PPP1R16B: variants seen among roughly 807,000 people sequenced by gnomAD.
PPP1R16B encodes the protein protein phosphatase 1 regulatory subunit 16B.
A neutral mutation model predicts 61.7 loss-of-function variants in PPP1R16B; 14 were observed. The observed-to-expected ratio is 0.23, with a 90% CI of 0.15 to 0.35. The LOEUF (loss-of-function observed/expected upper bound fraction) is 0.35. Ranked by LOEUF, PPP1R16B falls within the 10% of genes least tolerant of loss-of-function variation. PPP1R16B has a pLI of 1.00. For synonymous variants in PPP1R16B, 266 were observed against 305.3 expected (o/e 0.87, Z 1.34); for missense variants, 547 against 752.5 (o/e 0.73, Z 3.19).
chr20:38,841,592 C>T (rs948030341), intron 2 of PPP1R16B, among the ~76,000 whole-genome samples: 1 of 152,176 alleles, frequency 6.6e-6, no homozygotes, highest in African/African-American at 2.4e-5. Context: ...GCAGTGACTC[C>T]TGGTTCCCAG....
intron 1 of PPP1R16B, among the ~76,000 whole-genome samples, chr20:38,834,633 C>T (rs959578790): frequency 6.6e-6 from 1 of 151,900 alleles, no homozygotes; most frequent in Non-Finnish European, 1.5e-5. Flanking sequence ...TTCTTTAGTT[C>T]CTTAAATTGA....
At chr20:38,872,679 G>A (rs978304511) in intron 2 of PPP1R16B, 11 of 152,420 alleles carry the variant, frequency 7.2e-5, no homozygotes, top group East Asian at 1.9e-4. Context: ...GCTAGACCAC[G>A]AACCCTGTGA....
In PPP1R16B at chr20:38,902,621, G is replaced by T. The variant is rs375897880; in HGVS notation, c.572-47G>T. On this transcript the variant is annotated intron_variant, in intron 5 of 10. Coordinates refer to ENST00000299824, the MANE Select transcript of PPP1R16B (RefSeq NM_015568.4). ...CATCTGCCTTCCCCTGCCCTCTGGG[G>T]TCGTAGGCCTGAGGGTGCTAAATAA... 2.9e-5 allele frequency: 47 copies of T among 1,612,190 alleles called. No individual in the cohort carries two copies. In the African/African-American group the frequency reaches 5.6e-4, roughly 19 times the overall value.
intron 3 of PPP1R16B, among the ~76,000 whole-genome samples, chr20:38,895,086 G>A (rs371685852): frequency 6.6e-6 from 1 of 152,122 alleles, no homozygotes; most frequent in Non-Finnish European, 1.5e-5. Context: ...TCTTGAAACC[G>A]CTTTGGAGGC....
intron 2 of PPP1R16B, among the ~76,000 whole-genome samples, chr20:38,842,201 C>G (rs2084912877): frequency 6.6e-6 from 1 of 152,188 alleles, no homozygotes; most frequent in South Asian, 2.1e-4. Flanking sequence ...CCTGTACTTC[C>G]TGCTTTTGTT....
At chr20:38,874,027 C>A (rs1294914271) in intron 2 of PPP1R16B, among the ~76,000 whole-genome samples, 1 of 152,170 alleles carries the variant, frequency 6.6e-6, no homozygotes, top group Non-Finnish European at 1.5e-5. Flanking sequence ...CCGTGCCTGG[C>A]CAGCTGAAAC....
chr20:38,858,861 C>T (rs1323300032), intron 2 of PPP1R16B, among the ~76,000 whole-genome samples: 8 of 152,142 alleles, frequency 5.3e-5, no homozygotes. Flanking sequence ...CAGATGGAGC[C>T]CAGAGGGGAA....
chr20:38,859,205 C>G (rs558764124), intron 2 of PPP1R16B, among the ~76,000 whole-genome samples: 1 of 152,186 alleles, frequency 6.6e-6, no homozygotes, highest in African/African-American at 2.4e-5. Flanking sequence ...TGAAGTTTAT[C>G]TCTTGCTCAT....
chr20:38,914,693 C>T (rs2085518818), intron 10 of PPP1R16B, among the ~76,000 whole-genome samples: 1 of 152,154 alleles, frequency 6.6e-6, no homozygotes, highest in Non-Finnish European at 1.5e-5. Flanking sequence ...GACAGGGTCT[C>T]ATTCTGACAG....
intron 10 of PPP1R16B, among the ~76,000 whole-genome samples, chr20:38,916,296 A>ATATATATGT (rs1026446125): frequency 1.3e-4 from 19 of 147,742 alleles, no homozygotes; most frequent in African/African-American, 7.4e-5. Context: ...TATATATAAC[A>ATATATATGT]TATATATGTT....
Position 38,855,943 on chromosome 20 carries a change from T to TAGAGAGAG in PPP1R16B, c.250+19800_250+19807dup, listed in dbSNP as rs1293814608. ...ATATATATATATATATATATATATA[T>TAGAGAGAG]AGAGAGAGAGAGAGAGAGAGAGAGA... On this transcript the variant is annotated intron_variant, in intron 2 of 10. Coordinates refer to ENST00000299824, the MANE Select transcript of PPP1R16B (RefSeq NM_015568.4). Among the ~76,000 whole-genome samples the TAGAGAGAG allele has an allele frequency of 1.4e-3, 21 of 15,054 alleles. 1 individual carries two copies. Among genetic ancestry groups the TAGAGAGAG allele is most frequent in the South Asian group, 3.9e-3 (1 of 254 alleles). The allele number at this position is 15,054 out of a possible 152,430, so 9.9% of individuals were successfully genotyped here.
intron 1 of PPP1R16B, among the ~76,000 whole-genome samples, chr20:38,819,009 C>T (rs2084757045): frequency 6.6e-6 from 1 of 152,096 alleles, no homozygotes. Flanking sequence ...CTCCTGGGCT[C>T]AAGCCATCCT....
intron 10 of PPP1R16B, among the ~76,000 whole-genome samples, chr20:38,913,718 G>A (rs2085510291): frequency 6.6e-6 from 1 of 152,162 alleles, no homozygotes; most frequent in African/African-American, 2.4e-5. Flanking sequence ...ACTGAGGGTT[G>A]GGGGTGGGAT....
Position 38,895,630 on chromosome 20 carries a change from C to G in PPP1R16B, c.387C>G (p.Ala129=). 10 of 1,614,050 alleles carry G rather than the reference C, an allele frequency of 6.2e-6. No homozygotes were observed. The highest frequency in any genetic ancestry group is 8.5e-6 in the Non-Finnish European group (10 of 1,179,896). Residue 129 remains alanine (A), a synonymous_variant, in exon 4 of 11, where the codon GCC becomes GCG. Transcript: ENST00000299824. The part of the protein sequence containing the change: ...LLLSHGANVN[A]KDNELWTPLH... ...TCTCCCATGGTGCCAATGTGAACGC[C>G]AAGGACAACGAGCTGTGGACACCTC...
intron 4 of PPP1R16B, among the ~76,000 whole-genome samples, chr20:38,898,000 C>T (rs184353265): frequency 6.6e-6 from 1 of 152,246 alleles, no homozygotes; most frequent in African/African-American, 2.4e-5. Context: ...GAGATGAATC[C>T]CTTATCAGAT....
chr20:38,852,779 G>T (rs2084978262), intron 2 of PPP1R16B, among the ~76,000 whole-genome samples: 1 of 130,842 alleles, frequency 7.6e-6, no homozygotes, highest in Non-Finnish European at 1.6e-5. Flanking sequence ...GCGGGGGGTG[G>T]GGGTAGCATG....
intron 1 of PPP1R16B, among the ~76,000 whole-genome samples, chr20:38,831,522 A>C (rs2084837179): frequency 6.6e-6 from 1 of 152,244 alleles, no homozygotes; most frequent in South Asian, 2.1e-4. Flanking sequence ...TTGCAAACTC[A>C]AATGACATTG....
intron 2 of PPP1R16B, among the ~76,000 whole-genome samples, chr20:38,840,308 A>G (rs2084901823): frequency 6.6e-6 from 1 of 152,102 alleles, no homozygotes; most frequent in South Asian, 2.1e-4. Flanking sequence ...GCAGCCTCTG[A>G]GTCAACCTCC....
intron 1 of PPP1R16B, among the ~76,000 whole-genome samples, chr20:38,820,872 AAT>A (rs374532720): frequency 2.0e-5 from 3 of 150,216 alleles, no homozygotes. Flanking sequence ...CTCTACTAAA[AAT>A]ATATATATAT....
Sources: allele counts gnomAD v4.1 joint callset (sites outside exome capture counted in the v4.1 genomes callset), GRCh38; gene constraint gnomAD v4.1.1; transcripts MANE v1.5; gene names NCBI Gene and HGNC (gene_info 2026-07-23, HGNC 2026-07-21).